ST6GALNAC3: variants seen among roughly 807,000 people sequenced by gnomAD.
The protein encoded by ST6GALNAC3 is alpha-N-acetylgalactosaminide alpha-2,6-sialyltransferase 3.
Under a neutral mutation model 32.7 loss-of-function variants are expected in ST6GALNAC3, and 25 were observed. The observed-to-expected ratio is 0.76, with a 90% CI of 0.56 to 1.07. The LOEUF is 1.07. Ranked by LOEUF, ST6GALNAC3 falls within the 50% of genes least tolerant of loss-of-function variation. The probability of loss-of-function intolerance (pLI) is 0.00; values close to 1 mark genes in which losing one functional copy is unlikely to be tolerated. For missense variants in ST6GALNAC3, 355 were observed against 382.4 expected (o/e 0.93, Z 0.60); for synonymous variants, 129 against 133.1 (o/e 0.97, Z 0.21).
At position 76,163,643 on chromosome 1, in the gene ST6GALNAC3, A is replaced by AT. The variant is rs1420720192; in HGVS notation, c.18+88767dup. On this transcript the variant is annotated intron_variant, in intron 1 of 4. Transcript: ENST00000328299. ...GGCATGTTATAGTTTAATTGGCAGT[A>AT]TTTTTTTTCTGTGTTGGTGATTATA... Among the ~76,000 whole-genome samples the AT allele has an allele frequency of 2.6e-5, 4 of 151,920 alleles. No homozygotes were observed. In the East Asian group the frequency reaches 5.8e-4, roughly 22 times the overall value.
chr1:76,282,194 G>A (rs1557751236), intron 1 of ST6GALNAC3, among the ~76,000 whole-genome samples: 1 of 151,542 alleles, frequency 6.6e-6, no homozygotes, highest in Non-Finnish European at 1.5e-5. Flanking sequence ...CCTTTGTCCT[G>A]CCTTGAGAGA....
intron 1 of ST6GALNAC3, among the ~76,000 whole-genome samples, chr1:76,219,824 T>C (rs533293795): frequency 1.8e-4 from 27 of 152,298 alleles, no homozygotes; most frequent in African/African-American, 6.3e-4. Context: ...AACGCAGTCA[T>C]AGTTCTTGTG....
chr1:76,333,691 A>G (rs940851826), intron 2 of ST6GALNAC3, among the ~76,000 whole-genome samples: 1 of 152,098 alleles, frequency 6.6e-6, no homozygotes, highest in African/African-American at 2.4e-5. Flanking sequence ...ACTTCTTTCT[A>G]TATACACTAT....
chr1:76,508,397 G>A (rs1250228745), intron 3 of ST6GALNAC3, among the ~76,000 whole-genome samples: 1 of 152,126 alleles, frequency 6.6e-6, no homozygotes, highest in African/African-American at 2.4e-5. Context: ...CCTAGGGTTA[G>A]GGACTCCTGC....
rs112896309 is a variant in ST6GALNAC3 at position 76,156,545 on chromosome 1, G to GT, written c.18+81671dup. 7.6e-3 allele frequency among the ~76,000 whole-genome samples: 862 copies of GT among 113,466 alleles called. 10 individuals carry two copies. Among genetic ancestry groups the GT allele is most frequent in the East Asian group, 0.054 (255 of 4,724 alleles). 74.4% of individuals were successfully genotyped at this position (113,466 alleles called of 152,430 possible). On this transcript the variant is annotated intron_variant, in intron 1 of 4. Transcript: ENST00000328299. ...ATAGTATACTACTAGATTTTGTTTG[G>GT]TTTTTTTTTTGCCTCTGGGAGCTGT...
At chr1:76,510,938 A>C (rs4949633) in intron 3 of ST6GALNAC3, among the ~76,000 whole-genome samples, 53,356 of 152,016 alleles carry the variant, frequency 0.35, 9,566 homozygotes, top group African/African-American at 0.4. Flanking sequence ...GCTTTTGCAT[A>C]ATCATAAAAT....
rs34912507 is a variant in ST6GALNAC3 at position 76,494,743 on chromosome 1, GCA to G, written c.623+82351_623+82352del. Among the ~76,000 whole-genome samples, 1,247 of 130,362 alleles carry G rather than the reference GCA, an allele frequency of 9.6e-3. 26 individuals carry two copies. Among genetic ancestry groups the G allele is most frequent in the East Asian group, 0.063 (286 of 4,544 alleles). 85.5% of individuals were successfully genotyped at this position (130,362 alleles called of 152,430 possible). A position where few individuals can be genotyped will look rare whatever the true frequency, so the allele number is the denominator to read the frequency against. The stretch of plus-strand genomic sequence containing the variant: ...GCATGAAAATATATTTCATGTGTAT[GCA>G]CACACACACACACACACACACACAT... On this transcript the variant is annotated intron_variant, in intron 3 of 4. Transcript: ENST00000328299.
At chr1:76,102,852 G>C (rs2100779577) in intron 1 of ST6GALNAC3, among the ~76,000 whole-genome samples, 1 of 151,376 alleles carries the variant, frequency 6.6e-6, no homozygotes, top group South Asian at 2.1e-4. Context: ...CTCTCTTTTT[G>C]CCTGAAGAAC....
chr1:76,519,716 T>A (rs1172905722), intron 3 of ST6GALNAC3, among the ~76,000 whole-genome samples: 1 of 152,008 alleles, frequency 6.6e-6, no homozygotes, highest in Non-Finnish European at 1.5e-5. Context: ...TCTAGGAGAA[T>A]CCCTCATTTT....
At chr1:76,453,319 T>A (rs55708786) in intron 3 of ST6GALNAC3, among the ~76,000 whole-genome samples, 24,416 of 151,968 alleles carry the variant, frequency 0.16, 2,319 homozygotes, top group South Asian at 0.39. Context: ...TTCTGCTGGG[T>A]TTGGGTTTGG....
chr1:76,370,941 C>T (rs1242860430), intron 2 of ST6GALNAC3, among the ~76,000 whole-genome samples: 2 of 152,002 alleles, frequency 1.3e-5, no homozygotes, highest in East Asian at 3.9e-4. Context: ...TGCTTCTCTG[C>T]TTCATTTTTA....
At chr1:76,183,058 A>G (rs1011075243) in intron 1 of ST6GALNAC3, among the ~76,000 whole-genome samples, 1 of 152,126 alleles carries the variant, frequency 6.6e-6, no homozygotes, top group Non-Finnish European at 1.5e-5. Context: ...TCTAATGCAG[A>G]TCTGTTTGGG....
chr1:76,203,149 T>C (rs1291674016), intron 1 of ST6GALNAC3, among the ~76,000 whole-genome samples: 1 of 152,176 alleles, frequency 6.6e-6, no homozygotes, highest in Non-Finnish European at 1.5e-5. Flanking sequence ...CCAGTCTTCA[T>C]TTCAGAGCAG....
At chr1:76,091,397 T>C (rs1647043657) in intron 1 of ST6GALNAC3, among the ~76,000 whole-genome samples, 1 of 152,248 alleles carries the variant, frequency 6.6e-6, no homozygotes, top group African/African-American at 2.4e-5. Flanking sequence ...TATCTGAAGA[T>C]GTAAATTGGG....
chr1:76,492,307 A>G (rs117667461), intron 3 of ST6GALNAC3, among the ~76,000 whole-genome samples: 1 of 152,320 alleles, frequency 6.6e-6, no homozygotes, highest in East Asian at 1.9e-4. Flanking sequence ...CATGGGAAGT[A>G]AAATAAAATA....
chr1:76,335,062 A>G (rs1388899441), intron 2 of ST6GALNAC3, among the ~76,000 whole-genome samples: 1 of 152,184 alleles, frequency 6.6e-6, no homozygotes, highest in African/African-American at 2.4e-5. Context: ...AAATAAGTAA[A>G]GGAATCATTT....
At chr1:76,416,466 T>C (rs758329452) in intron 3 of ST6GALNAC3, among the ~76,000 whole-genome samples, 6 of 152,184 alleles carry the variant, frequency 3.9e-5, no homozygotes, top group Admixed American at 1.3e-4. Context: ...ATGTCACTAG[T>C]AGTTAAAGTG....
chr1:76,296,088 G>A (rs557858827), intron 1 of ST6GALNAC3, among the ~76,000 whole-genome samples: 1 of 152,190 alleles, frequency 6.6e-6, no homozygotes, highest in Admixed American at 6.5e-5. Context: ...TTTACTCTGA[G>A]AAATGGCAGG....
chr1:76,378,670 A>C (rs202231281), intron 2 of ST6GALNAC3, among the ~76,000 whole-genome samples: 4,226 of 71,160 alleles, frequency 0.059, 87 homozygotes, highest in Middle Eastern at 0.12. Context: ...CCCCCCCCCA[A>C]AAAAAAAAAT....
Sources: gnomAD v4.1 joint callset for allele counts (sites outside exome capture counted in the v4.1 genomes callset) on GRCh38, gnomAD v4.1.1 for gene constraint, MANE v1.5 for transcripts, NCBI Gene and HGNC (gene_info 2026-07-23, HGNC 2026-07-21) for gene names.